Variants in CLUH observed in about 807,000 individuals in gnomAD.
CLUH encodes CLUH binding protein of NUMT mRNA, also known as clustered mitochondria protein homolog.
Under a neutral mutation model 139.3 loss-of-function variants are expected in CLUH, and 77 were observed. The ratio of observed to expected loss-of-function variants is 0.55; its 90% confidence interval spans 0.46 to 0.67. The LOEUF (loss-of-function observed/expected upper bound fraction) is 0.67, where lower values mean the gene tolerates loss of function less well. Ranked by LOEUF, CLUH falls within the 30% of genes least tolerant of loss-of-function variation. The pLI, the probability that CLUH is intolerant of heterozygous loss-of-function variation, is 0.00. For missense variants in CLUH, 1,876 were observed against 1,875.8 expected, an observed-to-expected ratio of 1.00 and a Z score of 0.00; for synonymous variants, 999 against 801.6, an observed-to-expected ratio of 1.25 and a Z score of -4.16.
In CLUH at chr17:2,704,359, T is replaced by C. The variant is rs1299869621; in HGVS notation, c.303+3A>G. 1 of 1,609,018 alleles carries C rather than the reference T, an allele frequency of 6.2e-7. No individual in the cohort carries two copies. Among genetic ancestry groups the C allele is most frequent in the Non-Finnish European group, 8.5e-7 (1 of 1,177,864 alleles). On this transcript the variant is annotated splice_donor_region_variant and intron_variant, in intron 2 of 25. Coordinates refer to ENST00000651024, the MANE Select transcript of CLUH (RefSeq NM_001366661.1). The surrounding 1 kb of genome is among the most constrained non-coding windows in gnomAD (Gnocchi z 5.7). ...GCCCCCAGCACCCGTTCCTCCATCT[T>C]ACCTGCAGGGAGAAGGGCTCGATCC...
chr17:2,706,455 C>A lies in CLUH; in HGVS notation c.101-1891G>T, dbSNP rs2070352912. 6.6e-6 allele frequency among the ~76,000 whole-genome samples: 1 copy of A among 152,150 alleles called. No individual in the cohort carries two copies. Among genetic ancestry groups the A allele is most frequent in the Admixed American group, 6.5e-5 (1 of 15,284 alleles). On this transcript the variant is annotated intron_variant, in intron 1 of 25. Transcript: ENST00000651024. The surrounding 1 kb of genome is among the most constrained non-coding windows in gnomAD (Gnocchi z 4.6). ...CGCACCCTACGCCGCGGCACTCCCT[C>A]AACTCTGGCCACTGAGGACCTTCAG...
In CLUH at chr17:2,691,855, T is replaced by A. The variant is rs2069653676; in HGVS notation, c.3695A>T (p.Tyr1232Phe). The part of the protein sequence containing the change: ...DHEKTKESSE[Y>F]LKCLTQQAVA... Reference sequence around the variant, plus strand: ...GGCCTGCTGGGTCAGGCACTTGAGGTACTCGGAGCTTTCCTTGGTCTTCTC... The same window carrying A: ...GGCCTGCTGGGTCAGGCACTTGAGGAACTCGGAGCTTTCCTTGGTCTTCTC... The change falls in exon 24 of 26, where the codon TAC (tyrosine) becomes TTC (phenylalanine). Residue 1232 changes from tyrosine to phenylalanine, a missense_variant. By Grantham distance (22) the Tyr-to-Phe change is conservative. This residue lies in a region of CLUH where 1,454 missense variants were observed against 1,384.4 expected (regional missense o/e 1.05). Transcript: ENST00000651024. The A allele has an allele frequency of 6.5e-7, 1 of 1,549,656 alleles. No individual in the cohort carries two copies. Among genetic ancestry groups the A allele is most frequent in the Non-Finnish European group, 8.7e-7 (1 of 1,148,386 alleles).
rs1025515533 is a variant in CLUH at position 2,690,525 on chromosome 17, GC to G, written c.*68del. 1.4e-5 allele frequency: 19 copies of G among 1,316,190 alleles called. No individual in the cohort carries two copies. The highest frequency in any genetic ancestry group is 1.7e-5 in the Non-Finnish European group (17 of 1,009,728). 81.5% of individuals were successfully genotyped at this position (1,316,190 alleles called of 1,614,324 possible). ...TGCTTCCTCTTCCGCCCGCAGGCTC[GC>G]CCCCTTCTCCCGCAGTCGGGCTCCC... On this transcript the variant is annotated 3_prime_UTR_variant, in exon 26 of 26. Coordinates refer to ENST00000651024, the MANE Select transcript of CLUH (RefSeq NM_001366661.1).
At chr17:2,694,438 ACACAG>A (rs765055371) in intron 17 of CLUH, 37 bp downstream of exon 17, 11 of 76,936 alleles carry the variant, frequency 1.4e-4, no homozygotes, top group Non-Finnish European at 1.9e-4. Context: ...CGCAGCGGGG[ACACAG>A]CGGGGACACA....
chr17:2,703,922 C>T lies in CLUH; in HGVS notation c.304-433G>A, dbSNP rs756586378. Among the ~76,000 whole-genome samples the T allele has an allele frequency of 3.3e-5, 5 of 152,168 alleles. No individual in the cohort carries two copies. The highest frequency in any genetic ancestry group is 1.2e-4 in the African/African-American group (5 of 41,430). On this transcript the variant is annotated intron_variant, in intron 2 of 25. Coordinates refer to ENST00000651024, the MANE Select transcript of CLUH (RefSeq NM_001366661.1). This position sits in a 1 kb window ranked among gnomAD's most constrained non-coding sequence, Gnocchi z 4.2. ...AGCCTGCGGGTGCCGAGACATACGA[C>T]GACCCTGTCTCGTTCCCCACTGAGT... is the stretch of plus-strand genomic sequence containing the variant.
chr17:2,711,803 C>T (rs751718143), upstream of CLUH: 6 of 204,610 alleles, frequency 2.9e-5, no homozygotes, highest in Non-Finnish European at 5.2e-5. Flanking sequence ...GACCCCGCCG[C>T]CGTTTCCCTG....
intron 1 of CLUH, among the ~76,000 whole-genome samples, chr17:2,709,781 G>A (rs1417775321): frequency 6.6e-6 from 1 of 152,140 alleles, no homozygotes; most frequent in South Asian, 2.1e-4. Flanking sequence ...CAGCTGGGGG[G>A]TCTTCATTAA....
chr17:2,691,936 CG>C (rs1567575410), intron 23 of CLUH, 41 bp from the exon 24 acceptor site: 38 of 1,125,272 alleles, frequency 3.4e-5, no homozygotes, highest in Middle Eastern at 3.2e-4. Flanking sequence ...CCCGTGCCCC[CG>C]CGGCCCCGCC....
intron 25 of CLUH, 155 bp downstream of exon 25, chr17:2,691,454 G>A (rs1050870975): frequency 4.2e-6 from 3 of 720,846 alleles, no homozygotes; most frequent in Admixed American, 2.2e-5. Flanking sequence ...CCCAGCTACT[G>A]GGGAGGCTGA....
intron 1 of CLUH, among the ~76,000 whole-genome samples, chr17:2,708,706 C>T (rs889483655): frequency 6.6e-6 from 1 of 152,092 alleles, no homozygotes; most frequent in African/African-American, 2.4e-5. Flanking sequence ...TACCCACCCG[C>T]TCCCACCGAC....
At chr17:2,692,724 G>A (rs375661603) in intron 20 of CLUH, 28 bp from the exon 21 acceptor site, 422 of 1,605,330 alleles carry the variant, frequency 2.6e-4, no homozygotes, top group Non-Finnish European at 3.3e-4. Context: ...ACAGGTCAGG[G>A]TGGCCGCGGA....
At chr17:2,695,716 G>T in intron 13 of CLUH, 190 bp from the exon 14 acceptor site, 1 of 726,158 alleles carries the variant, frequency 1.4e-6, no homozygotes, top group East Asian at 2.7e-5. Context: ...GCCCGGTGGT[G>T]GTACAGGCCC....
At chr17:2,694,744 TCTC>T in intron 16 of CLUH, 110 bp downstream of exon 16, 1 of 1,404,334 alleles carries the variant, frequency 7.1e-7, no homozygotes, top group Non-Finnish European at 9.5e-7. Context: ...TGCTCCCTCT[TCTC>T]TCTGACTCCC....
At position 2,706,923 on chromosome 17, in the gene CLUH, C is replaced by T. The variant is rs57694483; in HGVS notation, c.101-2359G>A. Among the ~76,000 whole-genome samples, 5 of 152,000 alleles carry T rather than the reference C, an allele frequency of 3.3e-5. No individual in the cohort carries two copies. Among genetic ancestry groups the T allele is most frequent in the African/African-American group, 9.7e-5 (4 of 41,360 alleles). ...GGAATGGGAGGACAGAAAGGAGGGA[C>T]GACAAGGCAAGGTGGCCGCGGCTCC... On this transcript the variant is annotated intron_variant, in intron 1 of 25. Transcript: ENST00000651024. This position sits in a 1 kb window ranked among gnomAD's most constrained non-coding sequence, Gnocchi z 4.6.
At chr17:2,711,411 C>A (rs2070518869) in intron 1 of CLUH, among the ~76,000 whole-genome samples, 151 bp downstream of exon 1, 1 of 152,066 alleles carries the variant, frequency 6.6e-6, no homozygotes, top group Non-Finnish European at 1.5e-5. Context: ...TGAAGGTGAC[C>A]TTCAGCGCGG....
chr17:2,702,956 C>G lies in CLUH; in HGVS notation c.475+362G>C, dbSNP rs189606510. Among the ~76,000 whole-genome samples the G allele has an allele frequency of 2.6e-3, 392 of 152,298 alleles. 1 individual carries two copies. The highest frequency in any genetic ancestry group is 9.0e-3 in the African/African-American group (376 of 41,562). ...TCTCCTGCCTCAGCCTCCCGAGTAG[C>G]TGGGATTACAGGCACCTGCCACCAC... On this transcript the variant is annotated intron_variant, in intron 3 of 25. Transcript: ENST00000651024.
In CLUH at chr17:2,690,546, G is replaced by A. The variant is rs369423362; in HGVS notation, c.*48C>T. ...GCTCGCCCCCTTCTCCCGCAGTCGG[G>A]CTCCCTGGTGACGGGGCCGCTGGCT... On this transcript the variant is annotated 3_prime_UTR_variant, in exon 26 of 26. Coordinates refer to ENST00000651024, the MANE Select transcript of CLUH (RefSeq NM_001366661.1). The A allele has an allele frequency of 3.1e-5, 43 of 1,393,066 alleles. No individual in the cohort carries two copies. In the Admixed American group the frequency reaches 4.4e-4, roughly 14 times the overall value. The allele number at this position is 1,393,066 out of a possible 1,614,324, so 86.3% of individuals were successfully genotyped here. A position where few individuals can be genotyped will look rare whatever the true frequency, so the allele number is the denominator to read the frequency against.
rs774074883 is a variant in CLUH, at chr17:2,698,491, T to C, written c.1366A>G (p.Met456Val). 18 of 1,613,036 alleles carry C rather than the reference T, an allele frequency of 1.1e-5. No homozygotes were observed. The highest frequency in any genetic ancestry group is 1.5e-5 in the Non-Finnish European group (18 of 1,179,794). The change falls in exon 10 of 26, where the codon ATG (methionine) becomes GTG (valine). Residue 456 changes from methionine to valine, a missense_variant. Met to Val is a conservative substitution (Grantham distance 21). Around this residue, in one of 3 missense-constraint regions of CLUH, gnomAD observed 1,454 missense variants for 1,384.4 expected, o/e 1.05. Transcript: ENST00000651024. ...AAGAAGATGTTGTTCCAGATGAACA[T>C]CTGCATCTTGGTCTCCTCGCTGGGG... ...INPSEETKMQ[M>V]FIWNNIFFSL...
At chr17:2,705,806 T>C (rs1597625618) in intron 1 of CLUH, among the ~76,000 whole-genome samples, 1 of 152,304 alleles carries the variant, frequency 6.6e-6, no homozygotes, top group Non-Finnish European at 1.5e-5. Flanking sequence ...CCAATCCACA[T>C]GCTCCAGGGT....
Sources: gnomAD v4.1 joint callset for allele counts (sites outside exome capture counted in the v4.1 genomes callset) on GRCh38, gnomAD v4.1.1 for gene constraint, gnomAD v4.1.1 regional missense constraint, Gnocchi (gnomAD v3.1) non-coding constraint, MANE v1.5 for transcripts, NCBI Gene and HGNC (gene_info 2026-07-23, HGNC 2026-07-21) for gene names.